Variants in DPY19L3 observed in about 807,000 individuals in gnomAD.
DPY19L3 encodes the protein dpy-19 like C-mannosyltransferase 3.
Under a neutral mutation model 92.3 loss-of-function variants are expected in DPY19L3, and 51 were observed. The ratio of observed to expected loss-of-function variants is 0.55; its 90% CI spans 0.44 to 0.70. The LOEUF (loss-of-function observed/expected upper bound fraction) is 0.70. Among genes scored for constraint, DPY19L3 ranks in the 30% least tolerant of loss-of-function variants. DPY19L3 has a pLI of 0.00. For synonymous variants in DPY19L3, 309 were observed against 315.2 expected (o/e 0.98, Z 0.21); for missense variants, 706 against 855.9 (o/e 0.82, Z 2.18).
chr19:32,411,491 T>C, intron 3 of DPY19L3, 119 bp downstream of exon 3: 2 of 1,032,388 alleles, frequency 1.9e-6, no homozygotes, highest in Non-Finnish European at 2.9e-6. Context: ...TCTAGAAAGG[T>C]TGGACTATAG....
rs1225091814 is a variant in DPY19L3 at position 32,484,522 on chromosome 19, C to T, written c.*2282C>T. On this transcript the variant is annotated 3_prime_UTR_variant, in exon 19 of 19. Coordinates refer to ENST00000392250, the MANE Select transcript of DPY19L3 (RefSeq NM_001172774.2). The stretch of plus-strand genomic sequence containing the variant: ...CTCTGTTTTCTATTGACAGAAAACC[C>T]ACTTGATTTTGCTTCTGAGTTAGCA... 6.6e-6 allele frequency: 1 copy of T among 152,060 alleles called. No homozygotes were observed. The highest frequency in any genetic ancestry group is 1.9e-4 in the East Asian group (1 of 5,186). The allele number at this position is 152,060 out of a possible 1,614,324, so 9.4% of individuals were successfully genotyped here. A position where few individuals can be genotyped will look rare whatever the true frequency, so the allele number is the denominator to read the frequency against.
rs1970636672 is a variant in DPY19L3 at position 32,480,411 on chromosome 19, T to C, written c.1843T>C (p.Tyr615His). Residue 615 changes from tyrosine (Y) to histidine (H), a missense_variant, in exon 18 of 19, where the codon TAT becomes CAT. By Grantham distance (83) the Tyr-to-His change is moderately conservative (BLOSUM62 2). Transcript: ENST00000392250. Reference protein sequence around the residue: ...RERTRAVYQIYAKRAPEEVHA... With the variant: ...RERTRAVYQIHAKRAPEEVHA... ...TGTCTTTTTGAAGGTTTATCAGATATATGCCAAGAGGGCACCAGAGGAAGT... is the reference window on the plus strand; with the variant it reads ...TGTCTTTTTGAAGGTTTATCAGATACATGCCAAGAGGGCACCAGAGGAAGT... The C allele has an allele frequency of 3.1e-6, 5 of 1,609,790 alleles. No homozygotes were observed. Among genetic ancestry groups the C allele is most frequent in the African/African-American group, 2.7e-5 (2 of 74,668 alleles).
intron 4 of DPY19L3, 57 bp downstream of exon 4, chr19:32,432,863 T>C (rs1969015560): frequency 6.7e-7 from 1 of 1,482,170 alleles, no homozygotes; most frequent in Non-Finnish European, 9.4e-7. Flanking sequence ...AATATTTTAG[T>C]GAGAAGTACT....
chr19:32,413,895 A>G (rs551376702), intron 3 of DPY19L3, among the ~76,000 whole-genome samples: 1 of 152,074 alleles, frequency 6.6e-6, no homozygotes, highest in East Asian at 1.9e-4. Flanking sequence ...CCAGCTAATT[A>G]TTTAATTTTT....
intron 16 of DPY19L3, among the ~76,000 whole-genome samples, chr19:32,473,907 G>A (rs1599675418): frequency 6.6e-6 from 1 of 152,268 alleles, no homozygotes; most frequent in African/African-American, 2.4e-5. Context: ...GGGTTCAAGC[G>A]ATTCTCCTGC....
intron 8 of DPY19L3, 116 bp downstream of exon 8, chr19:32,440,026 C>A: frequency 1.4e-6 from 2 of 1,380,174 alleles, no homozygotes; most frequent in Non-Finnish European, 2.0e-6. Context: ...TTTCTTAGAT[C>A]TGCTGTAAAT....
chr19:32,423,685 A>G (rs1968658147), intron 3 of DPY19L3, among the ~76,000 whole-genome samples: 1 of 152,136 alleles, frequency 6.6e-6, no homozygotes, highest in African/African-American at 2.4e-5. Flanking sequence ...TACGTATAAC[A>G]CAAGATAAAA....
rs879135681 is a variant in DPY19L3 at position 32,484,062 on chromosome 19, T to C, written c.*1822T>C. 2.0e-5 allele frequency: 3 copies of C among 152,592 alleles called. No individual in the cohort carries two copies. In the South Asian group the frequency reaches 6.2e-4, roughly 32 times the overall value. 9.5% of individuals were successfully genotyped at this position (152,592 alleles called of 1,614,324 possible). A position where few individuals can be genotyped will look rare whatever the true frequency, so the allele number is the denominator to read the frequency against. On this transcript the variant is annotated 3_prime_UTR_variant, in exon 19 of 19. Coordinates refer to ENST00000392250, the MANE Select transcript of DPY19L3 (RefSeq NM_001172774.2). The stretch of plus-strand genomic sequence containing the variant: ...AGCATTTGGGCATTTGGAGTCTTAA[T>C]ATACAAGAAACACGTACTTAAATTT...
chr19:32,458,058 TA>T, intron 10 of DPY19L3, 41 bp from the exon 11 acceptor site: 1 of 1,500,798 alleles, frequency 6.7e-7, no homozygotes, highest in Non-Finnish European at 9.2e-7. Context: ...AAACCGTGCC[TA>T]AAGGACTAAT....
chr19:32,408,500 T>G (rs1465040433), intron 2 of DPY19L3, 144 bp downstream of exon 2: 10 of 625,336 alleles, frequency 1.6e-5, no homozygotes, highest in Non-Finnish European at 2.0e-5. Context: ...GCAATTTGAT[T>G]AGATTGATTT....
chr19:32,452,592 A>G (rs949238674), intron 8 of DPY19L3, among the ~76,000 whole-genome samples: 4 of 152,252 alleles, frequency 2.6e-5, no homozygotes, highest in Non-Finnish European at 5.9e-5. Flanking sequence ...TACTTCCTCT[A>G]CTTCATATCA....
chr19:32,479,184 GA>G (rs1970599593), intron 17 of DPY19L3, among the ~76,000 whole-genome samples: 1 of 152,154 alleles, frequency 6.6e-6, no homozygotes. Flanking sequence ...TCTTGTATAA[GA>G]ATCATTTGAA....
intron 15 of DPY19L3, chr19:32,467,589 A>T (rs1452480801): frequency 1.0e-6 from 1 of 987,520 alleles, no homozygotes; most frequent in African/African-American, 1.7e-5. Flanking sequence ...GACCAAAAAA[A>T]CAGTGATAGG....
intron 8 of DPY19L3, among the ~76,000 whole-genome samples, chr19:32,441,492 CT>C (rs1350018566): frequency 2.0e-5 from 2 of 102,026 alleles, no homozygotes; most frequent in Non-Finnish European, 3.7e-5. Context: ...GAACATGTGT[CT>C]CTTTTTTTTT....
At chr19:32,478,648 C>T (rs1347179133) in intron 17 of DPY19L3, among the ~76,000 whole-genome samples, 1 of 152,216 alleles carries the variant, frequency 6.6e-6, no homozygotes, top group Non-Finnish European at 1.5e-5. Flanking sequence ...TCCATTTTTA[C>T]AGAAGAAGTG....
At chr19:32,438,540 C>T (rs1969221814) in intron 6 of DPY19L3, among the ~76,000 whole-genome samples, 1 of 151,544 alleles carries the variant, frequency 6.6e-6, no homozygotes, top group African/African-American at 2.4e-5. Flanking sequence ...GATATAGGTA[C>T]CTTGTTTGAG....
intron 12 of DPY19L3, 94 bp from the exon 13 acceptor site, chr19:32,463,271 AT>A: frequency 7.4e-7 from 1 of 1,344,662 alleles, no homozygotes; most frequent in South Asian, 1.3e-5. Flanking sequence ...TTCTGAATAC[AT>A]AAAGGCATAC....
chr19:32,428,745 AGC>A (rs1309885384), intron 3 of DPY19L3, among the ~76,000 whole-genome samples: 13 of 151,600 alleles, frequency 8.6e-5, no homozygotes, highest in Non-Finnish European at 5.9e-5. Context: ...ATTTATTGTG[AGC>A]AGTCATTTTT....
chr19:32,451,045 G>C (rs554662297), intron 8 of DPY19L3, among the ~76,000 whole-genome samples: 3 of 152,264 alleles, frequency 2.0e-5, no homozygotes, highest in Admixed American at 6.5e-5. Flanking sequence ...AACAAAATAT[G>C]TAACTAATCA....
Sources: gnomAD v4.1 joint callset for allele counts (sites outside exome capture counted in the v4.1 genomes callset) on GRCh38, gnomAD v4.1.1 for gene constraint, MANE v1.5 for transcripts, NCBI Gene and HGNC (gene_info 2026-07-23, HGNC 2026-07-21) for gene names.